Variants in RALYL observed in about 807,000 individuals in gnomAD.
RALYL encodes RNA-binding Raly-like protein.
RALYL carries 29 observed loss-of-function variants against 35.1 expected under a neutral mutation model. The observed-to-expected ratio is 0.83, with a 90% CI of 0.61 to 1.13. The LOEUF (loss-of-function observed/expected upper bound fraction) is 1.13. RALYL is among the 50% of genes most tolerant of loss of function. The pLI is 0.00. For missense variants in RALYL, 359 were observed against 360.4 expected, an observed-to-expected ratio of 1.00 and a Z score of 0.03; for synonymous variants, 120 against 127.6, an observed-to-expected ratio of 0.94 and a Z score of 0.40.
At chr8:84,823,162 A>G (rs1260092828) in intron 4 of RALYL, among the ~76,000 whole-genome samples, 1 of 152,166 alleles carries the variant, frequency 6.6e-6, no homozygotes, top group Admixed American at 6.6e-5. Flanking sequence ...CAAAAGTATC[A>G]GACTGTGATA....
At chr8:84,671,632 C>T (rs1833262744) in intron 2 of RALYL, among the ~76,000 whole-genome samples, 1 of 152,210 alleles carries the variant, frequency 6.6e-6, no homozygotes, top group African/African-American at 2.4e-5. Flanking sequence ...GGGGCTTCCA[C>T]CCTCTGAAGC....
chr8:84,472,072 G>A (rs979414481), intron 1 of RALYL, among the ~76,000 whole-genome samples: 8 of 151,806 alleles, frequency 5.3e-5, no homozygotes, highest in South Asian at 2.1e-4. Flanking sequence ...TTTTTTTATC[G>A]TTTAATCTAA....
intron 1 of RALYL, among the ~76,000 whole-genome samples, chr8:84,432,652 T>A (rs1457798362): frequency 6.6e-6 from 1 of 152,078 alleles, no homozygotes; most frequent in Non-Finnish European, 1.5e-5. Flanking sequence ...TTAGTTAAGA[T>A]GAAGTCATGC....
At chr8:84,880,355 T>C (rs1188961260) in intron 7 of RALYL, among the ~76,000 whole-genome samples, 3 of 152,098 alleles carry the variant, frequency 2.0e-5, no homozygotes, top group Non-Finnish European at 2.9e-5. Context: ...AAGGGGAATA[T>C]TGAAGCCATC....
intron 1 of RALYL, among the ~76,000 whole-genome samples, chr8:84,368,026 A>C (rs1177099339): frequency 6.6e-6 from 1 of 152,126 alleles, no homozygotes; most frequent in Non-Finnish European, 1.5e-5. Flanking sequence ...CTGATTTCTA[A>C]AACTATGTGA....
At chr8:84,821,872 T>G (rs1288682703) in intron 4 of RALYL, among the ~76,000 whole-genome samples, 1 of 152,160 alleles carries the variant, frequency 6.6e-6, no homozygotes, top group African/African-American at 2.4e-5. Context: ...AAGGTAGATA[T>G]TAAAATGAAA....
intron 1 of RALYL, among the ~76,000 whole-genome samples, chr8:84,501,567 A>G (rs2056663801): frequency 6.6e-6 from 1 of 152,012 alleles, no homozygotes; most frequent in African/African-American, 2.4e-5. Context: ...CAGAGCAATT[A>G]TTTGTAGCAG....
At chr8:84,334,124 T>C (rs751729161) in intron 1 of RALYL, among the ~76,000 whole-genome samples, 2 of 152,092 alleles carry the variant, frequency 1.3e-5, no homozygotes, top group Non-Finnish European at 2.9e-5. Context: ...GCTCAAGTGA[T>C]CCACCCACCT....
intron 1 of RALYL, among the ~76,000 whole-genome samples, chr8:84,212,977 C>G (rs2217978): frequency 0.3 from 45,215 of 152,060 alleles, 7,416 homozygotes; most frequent in African/African-American, 0.44. Context: ...TTTTTTGAAT[C>G]ATTAGAAATT....
chr8:84,849,138 G>A (rs1180570261), intron 4 of RALYL, among the ~76,000 whole-genome samples: 1 of 152,162 alleles, frequency 6.6e-6, no homozygotes, highest in African/African-American at 2.4e-5. Flanking sequence ...CAAGTGGATG[G>A]AGGTGACTTT....
chr8:84,729,586 A>T (rs1845715508), intron 2 of RALYL, among the ~76,000 whole-genome samples: 1 of 152,166 alleles, frequency 6.6e-6, no homozygotes, highest in Admixed American at 6.6e-5. Context: ...AAAATTAATG[A>T]ATCCAGAAGC....
At chr8:84,389,661 T>C (rs1258290670) in intron 1 of RALYL, among the ~76,000 whole-genome samples, 1 of 151,092 alleles carries the variant, frequency 6.6e-6, no homozygotes, top group Non-Finnish European at 1.5e-5. Flanking sequence ...TACTGGTGTA[T>C]AAGAATGCTT....
At chr8:84,854,756 T>C (rs528939760) in intron 5 of RALYL, among the ~76,000 whole-genome samples, 1 of 152,336 alleles carries the variant, frequency 6.6e-6, no homozygotes, top group South Asian at 2.1e-4. Flanking sequence ...AGGAAGCTGC[T>C]ACCACTTCTA....
At chr8:84,588,706 G>C (rs994648123) in intron 2 of RALYL, among the ~76,000 whole-genome samples, 2 of 152,194 alleles carry the variant, frequency 1.3e-5, no homozygotes, top group Admixed American at 1.3e-4. Context: ...GGTGGAAGGA[G>C]AGCTAAAGAC....
At position 84,341,158 on chromosome 8, in the gene RALYL, A is replaced by ATTT. The variant is rs11291365; in HGVS notation, c.-24+156750_-24+156752dup. On this transcript the variant is annotated intron_variant, in intron 1 of 8. Coordinates refer to ENST00000521268, the MANE Select transcript of RALYL (RefSeq NM_173848.7). ...GTTCTTCCTGTTTTCTAACCAGGTGATTTTTTTTTTTTTTTTTTGCCATTG... is the reference window on the plus strand; with the variant it reads ...GTTCTTCCTGTTTTCTAACCAGGTGATTTTTTTTTTTTTTTTTTTTTGCCATTG... Among the ~76,000 whole-genome samples the ATTT allele has an allele frequency of 2.3e-4, 30 of 127,838 alleles. No individual in the cohort carries two copies. In the South Asian group the frequency reaches 3.3e-3, roughly 14 times the overall value. The allele number at this position is 127,838 out of a possible 152,430, so 83.9% of individuals were successfully genotyped here.
chr8:84,610,182 C>G (rs1817997938), intron 2 of RALYL, among the ~76,000 whole-genome samples: 1 of 151,906 alleles, frequency 6.6e-6, no homozygotes, highest in East Asian at 1.9e-4. Flanking sequence ...TTAGTTTTTA[C>G]CGAATGTCTT....
At position 84,238,618 on chromosome 8, in the gene RALYL, C is replaced by CAG. The variant is rs531766320; in HGVS notation, c.-24+54199_-24+54200dup. ...TCATGGTGAACCTGGTGAGTAAGAT[C>CAG]AGAGAGGGCGTTGACTGAGCTTGGC... On this transcript the variant is annotated intron_variant, in intron 1 of 8. Coordinates refer to ENST00000521268, the MANE Select transcript of RALYL (RefSeq NM_173848.7). 5.4e-3 allele frequency among the ~76,000 whole-genome samples: 822 copies of CAG among 152,160 alleles called. 15 individuals carry two copies. Among genetic ancestry groups the CAG allele is most frequent in the African/African-American group, 0.019 (780 of 41,528 alleles).
chr8:84,883,294 A>G (rs1348347958), intron 7 of RALYL, among the ~76,000 whole-genome samples: 1 of 152,082 alleles, frequency 6.6e-6, no homozygotes, highest in Admixed American at 6.6e-5. Flanking sequence ...TGTATATTGT[A>G]TGTTAATACA....
intron 2 of RALYL, among the ~76,000 whole-genome samples, chr8:84,708,475 A>G (rs1382555245): frequency 6.6e-6 from 1 of 152,120 alleles, no homozygotes; most frequent in African/African-American, 2.4e-5. Flanking sequence ...AATACTTTCA[A>G]CTGTATACAG....
Sources: allele counts gnomAD v4.1 joint callset (sites outside exome capture counted in the v4.1 genomes callset), GRCh38; gene constraint gnomAD v4.1.1; transcripts MANE v1.5; gene names NCBI Gene and HGNC (gene_info 2026-07-23, HGNC 2026-07-21).